AS3MT: variants seen among roughly 807,000 people sequenced by gnomAD.
The protein encoded by AS3MT is arsenite methyltransferase.
A neutral mutation model predicts 45.3 loss-of-function variants in AS3MT; 47 were observed. The ratio of observed to expected loss-of-function variants is 1.04; its 90% CI spans 0.82 to 1.32. AS3MT has a LOEUF of 1.32. Among genes scored for constraint, AS3MT ranks in the 40% most tolerant of loss-of-function variants. The probability of loss-of-function intolerance (pLI) is 0.00; values close to 1 mark genes in which losing one functional copy is unlikely to be tolerated. For missense variants in AS3MT, 396 were observed against 451.1 expected (o/e 0.88, Z 1.11); for synonymous variants, 141 against 152.8 (o/e 0.92, Z 0.57).
At chr10:102,896,115 T>A (rs1026148227) in intron 10 of AS3MT, among the ~76,000 whole-genome samples, 9 of 151,468 alleles carry the variant, frequency 5.9e-5, no homozygotes, top group Non-Finnish European at 1.5e-5. Context: ...GCAGACCACT[T>A]GAGGTCAGGA....
Position 102,878,384 on chromosome 10 carries a change from T to C in AS3MT, c.616T>C (p.Cys206Arg). The change falls in exon 8 of 11, where the codon TGT becomes CGT. Residue 206 changes from cysteine to arginine, a missense_variant. Physicochemically the swap from Cys to Arg is radical, Grantham distance 180 (BLOSUM62 -3). Transcript: ENST00000369880. ...IRTHKVLWGE[C>R]LGGALYWKEL... ...TGTTGTTGTTTGTTTTTTAGGTGAGTGTCTGGGTGGTGCTTTATACTGGAA... is the reference window on the plus strand; with the variant it reads ...TGTTGTTGTTTGTTTTTTAGGTGAGCGTCTGGGTGGTGCTTTATACTGGAA... 1.2e-6 allele frequency: 2 copies of C among 1,613,706 alleles called. No homozygotes were observed. The highest frequency in any genetic ancestry group is 3.3e-5 in the Admixed American group (2 of 59,818).
intron 9 of AS3MT, among the ~76,000 whole-genome samples, chr10:102,888,876 TATATA>T (rs548697335): frequency 0.094 from 4,921 of 52,258 alleles, 197 homozygotes; most frequent in African/African-American, 0.12. Context: ...TATATATATA[TATATA>T]TTTTTTTTTT....
rs1006659023 is a variant in AS3MT at position 102,878,967 on chromosome 10, G to A, written c.861G>A (p.Met287Ile). 3.1e-6 allele frequency: 5 copies of A among 1,612,106 alleles called. No homozygotes were observed. The highest frequency in any genetic ancestry group is 4.2e-6 in the Non-Finnish European group (5 of 1,179,208). Reference protein sequence around the residue: ...GGITGHEKELMFDANFTFKEG... With the variant: ...GGITGHEKELIFDANFTFKEG... Reference sequence around the variant, plus strand: ...TTACAGGACATGAAAAAGAACTAATGTTTGATGCCAATTTTACATTTAAGG... The same window carrying A: ...TTACAGGACATGAAAAAGAACTAATATTTGATGCCAATTTTACATTTAAGG... The change falls in exon 9 of 11, where the codon ATG becomes ATA. Residue 287 changes from methionine (M) to isoleucine (I), a missense_variant. Coordinates refer to ENST00000369880, the MANE Select transcript of AS3MT (RefSeq NM_020682.4).
rs746037739 is a variant in AS3MT at position 102,869,567 on chromosome 10, C to T, written c.-26C>T. ...GCAGGCCGAGGAGACAGTGAGTGCG[C>T]GCCCTGAGTCGCAGGCCGAGGAGAC... On this transcript the variant is annotated 5_prime_UTR_variant, in exon 1 of 11. Transcript: ENST00000369880. The T allele has an allele frequency of 3.9e-6, 6 of 1,527,956 alleles. No homozygotes were observed. In the East Asian group the frequency reaches 1.2e-4, roughly 30 times the overall value. 94.6% of individuals were successfully genotyped at this position (1,527,956 alleles called of 1,614,324 possible). A position where few individuals can be genotyped will look rare whatever the true frequency, so the allele number is the denominator to read the frequency against.
rs969486194 is a variant in AS3MT, at chr10:102,889,831, A to G, written c.886-713A>G. Among the ~76,000 whole-genome samples, 5 of 151,644 alleles carry G rather than the reference A, an allele frequency of 3.3e-5. No individual in the cohort carries two copies. The South Asian group carries it at 1.0e-3, about 32-fold the overall frequency. On this transcript the variant is annotated intron_variant, in intron 9 of 10. Coordinates refer to ENST00000369880, the MANE Select transcript of AS3MT (RefSeq NM_020682.4). ...GCTGGGATTACGGGCATGTGCCGCC[A>G]TACCCAGCTAATTTTTTTGTATTTT...
intron 9 of AS3MT, among the ~76,000 whole-genome samples, chr10:102,886,569 C>T (rs1844961209): frequency 6.6e-6 from 1 of 152,052 alleles, no homozygotes; most frequent in Admixed American, 6.6e-5. Context: ...CTGCCCGCCT[C>T]AGCCTCCCAA....
intron 9 of AS3MT, among the ~76,000 whole-genome samples, chr10:102,886,106 A>G (rs907152391): frequency 2.4e-4 from 36 of 151,532 alleles, no homozygotes; most frequent in African/African-American, 7.8e-4. Flanking sequence ...CAAAAAACTA[A>G]TTTTTCATTT....
chr10:102,883,119 G>C (rs1331830873), intron 9 of AS3MT, among the ~76,000 whole-genome samples: 8 of 97,898 alleles, frequency 8.2e-5, no homozygotes, highest in Admixed American at 2.0e-4. Context: ...TTTTTTTTTT[G>C]AGATGGAGTC....
Position 102,890,815 on chromosome 10 carries a change from A to G in AS3MT, c.1020+137A>G, listed in dbSNP as rs1845058306. 7 of 706,280 alleles carry G rather than the reference A, an allele frequency of 9.9e-6. No individual in the cohort carries two copies. The East Asian group carries it at 1.7e-4, about 17-fold the overall frequency. The allele number at this position is 706,280 out of a possible 1,614,324, so 43.8% of individuals were successfully genotyped here. On this transcript the variant is annotated intron_variant, in intron 10 of 10. Transcript: ENST00000369880. Reference sequence around the variant, plus strand: ...AACCTCCGCCTCCTGGGTTCAAGCAATTCTCCCTGCCTCAGCCTCCCGATT... The same window carrying G: ...AACCTCCGCCTCCTGGGTTCAAGCAGTTCTCCCTGCCTCAGCCTCCCGATT...
chr10:102,890,223 C>T (rs549095992), intron 9 of AS3MT, among the ~76,000 whole-genome samples: 4 of 152,038 alleles, frequency 2.6e-5, no homozygotes, highest in African/African-American at 9.6e-5. Flanking sequence ...AGGATGGTCT[C>T]GATCTCCTGA....
At chr10:102,879,018 T>C (rs1000681263) in intron 9 of AS3MT, 27 bp downstream of exon 9, 2 of 1,601,704 alleles carry the variant, frequency 1.2e-6, no homozygotes, top group African/African-American at 1.3e-5. Flanking sequence ...CCATGACTTC[T>C]GGTATTCTTT....
intron 10 of AS3MT, among the ~76,000 whole-genome samples, chr10:102,896,332 CAAA>C (rs899491110): frequency 1.1e-4 from 7 of 63,342 alleles, no homozygotes; most frequent in Non-Finnish European, 9.8e-5. Context: ...GACCCTGCCT[CAAA>C]AAAAAAAAAA....
At chr10:102,886,599 T>C (rs1844961750) in intron 9 of AS3MT, among the ~76,000 whole-genome samples, 1 of 151,980 alleles carries the variant, frequency 6.6e-6, no homozygotes. Flanking sequence ...ATTACAGGTG[T>C]TAGCCATTGT....
At chr10:102,874,330 C>T (rs1844746987) in intron 5 of AS3MT, among the ~76,000 whole-genome samples, 2 of 151,890 alleles carry the variant, frequency 1.3e-5, no homozygotes, top group African/African-American at 4.8e-5. Context: ...ACATGGTGAA[C>T]ATCAGGACAG....
intron 10 of AS3MT, among the ~76,000 whole-genome samples, chr10:102,891,214 G>C (rs984580272): frequency 1.3e-5 from 2 of 152,128 alleles, no homozygotes; most frequent in African/African-American, 4.8e-5. Flanking sequence ...CCCTGGTACT[G>C]TCTGTGACTA....
intron 9 of AS3MT, among the ~76,000 whole-genome samples, chr10:102,883,659 A>G (rs537857587): frequency 6.6e-6 from 1 of 151,978 alleles, no homozygotes; most frequent in South Asian, 2.1e-4. Flanking sequence ...GGTTGCAGTG[A>G]GCTGAGATTG....
rs762696583 is a variant in AS3MT at position 102,878,902 on chromosome 10, G to A, written c.796G>A (p.Gly266Arg). The change falls in exon 9 of 11, where the codon GGA (glycine) becomes AGA (arginine). Residue 266 changes from glycine to arginine, a missense_variant. By Grantham distance (125) the Gly-to-Arg change is moderately radical. Transcript: ENST00000369880. The part of the protein sequence containing the change: ...TFRLFKHSKT[G>R]PTKRCQVIYN... ...TCGCCTCTTCAAACACTCTAAGACA[G>A]GACCAACCAAGAGATGCCAAGTTAT... 1.9e-6 allele frequency: 3 copies of A among 1,613,866 alleles called. No homozygotes were observed. Among genetic ancestry groups the A allele is most frequent in the East Asian group, 2.2e-5 (1 of 44,882 alleles).
At chr10:102,888,851 CTATA>C (rs553598133) in intron 9 of AS3MT, among the ~76,000 whole-genome samples, 7,887 of 90,842 alleles carry the variant, frequency 0.087, 589 homozygotes, top group South Asian at 0.16. Flanking sequence ...TCATCAAACC[CTATA>C]TATATATATA....
At chr10:102,890,801 C>T (rs1311530445) in intron 10 of AS3MT, 123 bp downstream of exon 10, 1 of 881,614 alleles carries the variant, frequency 1.1e-6, no homozygotes, top group Non-Finnish European at 1.6e-6. Flanking sequence ...ACCTCCGCCT[C>T]CTGGGTTCAA....
Sources: allele counts gnomAD v4.1 joint callset (sites outside exome capture counted in the v4.1 genomes callset), GRCh38; gene constraint gnomAD v4.1.1; transcripts MANE v1.5; gene names NCBI Gene and HGNC (gene_info 2026-07-23, HGNC 2026-07-21).